The following CCDC107 variants were observed in gnomAD, a reference collection of about 807,000 sequenced individuals.
CCDC107 encodes coiled-coil domain-containing protein 107.
A neutral mutation model predicts 17.9 loss-of-function variants in CCDC107; 17 were observed. The ratio of observed to expected loss-of-function variants is 0.95; its 90% CI spans 0.65 to 1.42. CCDC107 has a LOEUF of 1.42. Among genes scored for constraint, CCDC107 ranks in the 40% most tolerant of loss-of-function variants. The pLI, the probability that CCDC107 is intolerant of heterozygous loss-of-function variation, is 0.00. For synonymous variants in CCDC107, 170 were observed against 157.2 expected (o/e 1.08, Z -0.61); for missense variants, 388 against 360.1 (o/e 1.08, Z -0.63).
At position 35,659,007 on chromosome 9, in the gene CCDC107, C is replaced by T. The variant is rs1002317041; in HGVS notation, c.258+280C>T. 32 of 306,014 alleles carry T rather than the reference C, an allele frequency of 1.0e-4. No individual in the cohort carries two copies. The East Asian group carries it at 1.6e-3, about 15-fold the overall frequency. 19.0% of individuals were successfully genotyped at this position (306,014 alleles called of 1,614,324 possible). A position where few individuals can be genotyped will look rare whatever the true frequency, so the allele number is the denominator to read the frequency against. ...ATCCAGTGAGGAGTAGTCACTTGCTCGAGGTCACCCAGCGCTGGCAACTGC... is the reference window on the plus strand; with the variant it reads ...ATCCAGTGAGGAGTAGTCACTTGCTTGAGGTCACCCAGCGCTGGCAACTGC... On this transcript the variant is annotated intron_variant, in intron 2 of 4. Transcript: ENST00000426546.
At position 35,658,434 on chromosome 9, in the gene CCDC107, C is replaced by T; in HGVS notation, c.55C>T (p.Leu19=). The part of the protein sequence containing the change: ...GVVGLLLVSA[L]SGVLGDRANP... ...GGTGGGGCTGCTGCTTGTGTCTGCG[C>T]TGTCCGGGGTCCTAGGAGACCGCGC... Residue 19 remains leucine (L), a synonymous_variant, in exon 1 of 5, where the codon CTG becomes TTG. Transcript: ENST00000426546. 1 of 1,466,318 alleles carries T rather than the reference C, an allele frequency of 6.8e-7. No individual in the cohort carries two copies. 90.8% of individuals were successfully genotyped at this position (1,466,318 alleles called of 1,614,324 possible). A position where few individuals can be genotyped will look rare whatever the true frequency, so the allele number is the denominator to read the frequency against.
In CCDC107 at chr9:35,658,492, G is replaced by A; in HGVS notation, c.106+7G>A. On this transcript the variant is annotated splice_region_variant and intron_variant, in intron 1 of 4. Coordinates refer to ENST00000426546, the MANE Select transcript of CCDC107 (RefSeq NM_174923.3). ...GACCTCCGGGCACACCCAGGTACCA[G>A]CTAGGGCTGCTGGAGGAGGGCTGGG... The A allele has an allele frequency of 6.7e-7, 1 of 1,482,396 alleles. No individual in the cohort carries two copies. Among genetic ancestry groups the A allele is most frequent in the South Asian group, 1.3e-5 (1 of 78,312 alleles). The allele number at this position is 1,482,396 out of a possible 1,614,324, so 91.8% of individuals were successfully genotyped here.
Position 35,661,186 on chromosome 9 carries a change from G to C in CCDC107, c.851G>C (p.Ter284SerextTer21). The change falls in exon 5 of 5, where the codon TGA (stop) becomes TCA (serine). Residue 284 changes from the stop codon to serine (S), a stop_lost. Coordinates refer to ENST00000426546, the MANE Select transcript of CCDC107 (RefSeq NM_174923.3). The part of the protein sequence containing the change: ...EGRLKQSLFS[*>S] ...CGACTAAAACAAAGTCTGTTTTCATGATGGAGTGCTCCTGTGTGTTTTTTC... is the reference window on the plus strand; with the variant it reads ...CGACTAAAACAAAGTCTGTTTTCATCATGGAGTGCTCCTGTGTGTTTTTTC... 1 of 1,589,392 alleles carries C rather than the reference G, an allele frequency of 6.3e-7. No homozygotes were observed. The highest frequency in any genetic ancestry group is 8.6e-7 in the Non-Finnish European group (1 of 1,166,092).
chr9:35,660,921 C>T lies in CCDC107; in HGVS notation c.586C>T (p.Leu196=), dbSNP rs147969979. The change falls in exon 5 of 5, where the codon CTG becomes TTG. Residue 196 remains leucine (L), a synonymous_variant. Coordinates refer to ENST00000426546, the MANE Select transcript of CCDC107 (RefSeq NM_174923.3). ...CAAAGTCTCTGAAACTGGAACATTC[C>T]TGATCTCTCCCCACACAGAGGCCAG... ...GDKVSETGTF[L]ISPHTEASRP... is the part of the protein sequence containing the mutation. 1.5e-5 allele frequency: 25 copies of T among 1,614,074 alleles called. No homozygotes were observed. The highest frequency in any genetic ancestry group is 2.1e-5 in the Non-Finnish European group (25 of 1,180,036).
At chr9:35,660,076 C>T in intron 2 of CCDC107, 1 of 203,472 alleles carries the variant, frequency 4.9e-6, no homozygotes, top group African/African-American at 2.3e-5. Flanking sequence ...AACTCCTGAC[C>T]TCAGGTGATC....
chr9:35,658,756 C>T (rs753673358), intron 2 of CCDC107, 29 bp downstream of exon 2: 14 of 1,418,914 alleles, frequency 9.9e-6, no homozygotes, highest in African/African-American at 6.0e-5. Context: ...TAGGGGTGCC[C>T]CTGCAGGTGC....
In CCDC107 at chr9:35,660,628, CT is replaced by C. The variant is rs762246010; in HGVS notation, c.392del (p.Leu131ArgfsTer8). The C allele has an allele frequency of 1.9e-6, 3 of 1,614,092 alleles. No individual in the cohort carries two copies. The African/African-American group carries it at 4.0e-5, about 22-fold the overall frequency. ...GCACCTGAACAACCTGATGGCCCAGCTGGACCCCCTTTTTGAGCGGTGAGGA... is the reference window on the plus strand; with the variant it reads ...GCACCTGAACAACCTGATGGCCCAGCGGACCCCCTTTTTGAGCGGTGAGGA... Reference protein sequence around the residue: ...EQHLNNLMAQLDPLFERVTTL... With the variant: ...EQHLNNLMAQXDPLFERVTTL... On this transcript the variant is annotated frameshift_variant, in exon 4 of 5. Transcript: ENST00000426546. LOFTEE classifies it low-confidence loss of function (END_TRUNC).
Position 35,658,655 on chromosome 9 carries a change from G to C in CCDC107, c.186G>C (p.Arg62=). The change falls in exon 2 of 5, where the codon CGG becomes CGC. Residue 62 remains arginine (R), a synonymous_variant. Coordinates refer to ENST00000426546, the MANE Select transcript of CCDC107 (RefSeq NM_174923.3). ...TCAAGGATCAACGCGAGCGGACCCG[G>C]GCCGGGTCGCTGCCTCTGGGGGCGC... ...PPLKDQRERT[R]AGSLPLGALY... 1 of 1,574,636 alleles carries C rather than the reference G, an allele frequency of 6.4e-7. No homozygotes were observed.
chr9:35,658,694 C>G lies in CCDC107; in HGVS notation c.225C>G (p.Ala75=). The G allele has an allele frequency of 6.4e-7, 1 of 1,567,138 alleles. No homozygotes were observed. The highest frequency in any genetic ancestry group is 2.5e-5 in the East Asian group (1 of 40,508). ...SLPLGALYTA[A]VAAFVLYKCL... is the part of the protein sequence containing the mutation. ...CTCTGGGGGCGCTGTACACCGCGGC[C>G]GTCGCGGCTTTTGTGCTGTACAAGT... Residue 75 remains alanine (A), a synonymous_variant, in exon 2 of 5, where the codon GCC becomes GCG. Coordinates refer to ENST00000426546, the MANE Select transcript of CCDC107 (RefSeq NM_174923.3).
chr9:35,658,387 G>A lies in CCDC107; in HGVS notation c.8G>A (p.Gly3Asp), dbSNP rs1216043991. The A allele has an allele frequency of 6.4e-6, 9 of 1,402,756 alleles. No homozygotes were observed. Among genetic ancestry groups the A allele is most frequent in the South Asian group, 4.8e-5 (3 of 62,222 alleles). 86.9% of individuals were successfully genotyped at this position (1,402,756 alleles called of 1,614,324 possible). MA[G>D]AVSLLGVVGL... is the part of the protein sequence containing the mutation. ...TCCACCCGTGGGCCGGCAATGGCGG[G>A]CGCAGTTTCGCTCTTGGGTGTGGTG... The change falls in exon 1 of 5, where the codon GGC (glycine) becomes GAC (aspartate). Residue 3 changes from glycine (G) to aspartate (D), a missense_variant. Physicochemically the swap from Gly to Asp is moderately conservative, Grantham distance 94. Coordinates refer to ENST00000426546, the MANE Select transcript of CCDC107 (RefSeq NM_174923.3).
At position 35,658,659 on chromosome 9, in the gene CCDC107, G is replaced by T; in HGVS notation, c.190G>T (p.Gly64Trp). 2 of 1,574,296 alleles carry T rather than the reference G, an allele frequency of 1.3e-6. No individual in the cohort carries two copies. Among genetic ancestry groups the T allele is most frequent in the African/African-American group, 1.4e-5 (1 of 72,398 alleles). Residue 64 changes from glycine to tryptophan, a missense_variant, in exon 2 of 5, where the codon GGG (glycine) becomes TGG (tryptophan). Coordinates refer to ENST00000426546, the MANE Select transcript of CCDC107 (RefSeq NM_174923.3). ...LKDQRERTRA[G>W]SLPLGALYTA... is the part of the protein sequence containing the mutation. ...GGATCAACGCGAGCGGACCCGGGCCGGGTCGCTGCCTCTGGGGGCGCTGTA... is the reference window on the plus strand; with the variant it reads ...GGATCAACGCGAGCGGACCCGGGCCTGGTCGCTGCCTCTGGGGGCGCTGTA...
chr9:35,660,546 C>A lies in CCDC107; in HGVS notation c.320-11C>A. The A allele has an allele frequency of 6.2e-7, 1 of 1,613,282 alleles. No individual in the cohort carries two copies. Among genetic ancestry groups the A allele is most frequent in the South Asian group, 1.1e-5 (1 of 91,000 alleles). On this transcript the variant is annotated splice_polypyrimidine_tract_variant and intron_variant, in intron 3 of 4. Transcript: ENST00000426546. ...TAACCACTTCTGCCCCCTTTTTTCC[C>A]TTATCCCCAGAGCAACAGCTGGCCC...
Position 35,660,627 on chromosome 9 carries a change from G to A in CCDC107, c.390G>A (p.Gln130=). The A allele has an allele frequency of 1.2e-6, 2 of 1,614,202 alleles. No homozygotes were observed. Among genetic ancestry groups the A allele is most frequent in the Non-Finnish European group, 1.7e-6 (2 of 1,180,044 alleles). The part of the protein sequence containing the change: ...TEQHLNNLMA[Q]LDPLFERVTT... Reference sequence around the variant, plus strand: ...AGCACCTGAACAACCTGATGGCCCAGCTGGACCCCCTTTTTGAGCGGTGAG... The same window carrying A: ...AGCACCTGAACAACCTGATGGCCCAACTGGACCCCCTTTTTGAGCGGTGAG... The change falls in exon 4 of 5, where the codon CAG becomes CAA. Residue 130 remains glutamine (Q), a synonymous_variant. Transcript: ENST00000426546.
intron 2 of CCDC107, chr9:35,659,709 G>C (rs955372342): frequency 1.3e-5 from 2 of 152,212 alleles, no homozygotes; most frequent in African/African-American, 4.8e-5. Context: ...GTGGGTGAGG[G>C]TGTGACCATT....
At position 35,660,857 on chromosome 9, in the gene CCDC107, A is replaced by C; in HGVS notation, c.522A>C (p.Pro174=). ...KPDKDMEASE[P]GEGSGGESAG... ...ACAAGGATATGGAGGCTTCAGAACC[A>C]GGTGAAGGCTCGGGAGGCGAGTCTG... The change falls in exon 5 of 5, where the codon CCA becomes CCC. Residue 174 remains proline (P), a synonymous_variant. Transcript: ENST00000426546. The C allele has an allele frequency of 6.2e-7, 1 of 1,614,202 alleles. No homozygotes were observed. Among genetic ancestry groups the C allele is most frequent in the South Asian group, 1.1e-5 (1 of 91,092 alleles).
chr9:35,658,727 G>A lies in CCDC107; in HGVS notation c.258G>A (p.Gln86=). Residue 86 remains glutamine (Q), a splice_region_variant and synonymous_variant, in exon 2 of 5, where the codon CAG becomes CAA. Transcript: ENST00000426546. The part of the protein sequence containing the change: ...VAAFVLYKCL[Q]GKDETAVLHE... ...CTTTTGTGCTGTACAAGTGTTTGCA[G>A]GTACGGGGCGGCCGGGGGTAGGGGT... is the stretch of plus-strand genomic sequence containing the variant. 2.7e-6 allele frequency: 4 copies of A among 1,498,270 alleles called. No homozygotes were observed. The highest frequency in any genetic ancestry group is 1.4e-5 in the African/African-American group (1 of 69,038). The allele number at this position is 1,498,270 out of a possible 1,614,324, so 92.8% of individuals were successfully genotyped here.
At position 35,658,318 on chromosome 9, in the gene CCDC107, G is replaced by T; in HGVS notation, c.-62G>T. 21 of 1,281,798 alleles carry T rather than the reference G, an allele frequency of 1.6e-5. No individual in the cohort carries two copies. The highest frequency in any genetic ancestry group is 2.0e-5 in the Non-Finnish European group (20 of 1,009,816). The allele number at this position is 1,281,798 out of a possible 1,614,324, so 79.4% of individuals were successfully genotyped here. ...CTCGCGTGCGCGTGCGCGTTGGGGC[G>T]GCCGGCCAATGCCGGACCGCTTCGG... On this transcript the variant is annotated 5_prime_UTR_variant, in exon 1 of 5. Transcript: ENST00000426546.
At position 35,660,480 on chromosome 9, in the gene CCDC107, T is replaced by A. The variant is rs1187054801; in HGVS notation, c.319+19T>A. 1 of 1,613,244 alleles carries A rather than the reference T, an allele frequency of 6.2e-7. No individual in the cohort carries two copies. ...CAGTCAGGTGGGTTTAGCAGAAGTC[T>A]GTGCTGGGTCGGGGGAGTTTAGGGG... On this transcript the variant is annotated intron_variant, in intron 3 of 4. Coordinates refer to ENST00000426546, the MANE Select transcript of CCDC107 (RefSeq NM_174923.3).
chr9:35,658,741 G>A lies in CCDC107; in HGVS notation c.258+14G>A, dbSNP rs765841656. On this transcript the variant is annotated intron_variant, in intron 2 of 4. Coordinates refer to ENST00000426546, the MANE Select transcript of CCDC107 (RefSeq NM_174923.3). The stretch of plus-strand genomic sequence containing the variant: ...AAGTGTTTGCAGGTACGGGGCGGCC[G>A]GGGGTAGGGGTGCCCCTGCAGGTGC... 6 of 1,462,550 alleles carry A rather than the reference G, an allele frequency of 4.1e-6. No individual in the cohort carries two copies. The African/African-American group carries it at 5.9e-5, about 14-fold the overall frequency. 90.6% of individuals were successfully genotyped at this position (1,462,550 alleles called of 1,614,324 possible).
Sources: allele counts gnomAD v4.1 joint callset, GRCh38; gene constraint gnomAD v4.1.1; transcripts MANE v1.5; gene names NCBI Gene and HGNC (gene_info 2026-07-23, HGNC 2026-07-21).